The following LAMA3 variants were observed in gnomAD, a reference collection of about 807,000 sequenced individuals.
The protein encoded by LAMA3 is laminin subunit alpha-3.
LAMA3 carries 281 observed loss-of-function variants against 402.0 expected under a neutral mutation model. The ratio of observed to expected loss-of-function variants is 0.70; its 90% CI spans 0.63 to 0.77. The LOEUF is 0.77. LAMA3 is among the 30% of genes least tolerant of loss of function. The pLI, the probability that LAMA3 is intolerant of heterozygous loss-of-function variation, is 0.00. For synonymous variants in LAMA3, 1,431 were observed against 1,558.4 expected (o/e 0.92, Z 1.93); for missense variants, 3,840 against 4,215.5 (o/e 0.91, Z 2.47).
At chr18:23,858,602 G>A in intron 33 of LAMA3, 87 bp from the exon 34 acceptor site, 2 of 1,181,448 alleles carry the variant, frequency 1.7e-6, no homozygotes, top group South Asian at 1.2e-5. Flanking sequence ...AACATCTTGT[G>A]TTGGTATTTA....
chr18:23,875,075 G>C (rs1425255169), intron 38 of LAMA3, among the ~76,000 whole-genome samples: 1 of 152,156 alleles, frequency 6.6e-6, no homozygotes, highest in Non-Finnish European at 1.5e-5. Context: ...ATGTTGCCCA[G>C]GCTGATCTCG....
chr18:23,750,841 A>G, intron 4 of LAMA3, 77 bp from the exon 5 acceptor site: 1 of 1,494,752 alleles, frequency 6.7e-7, no homozygotes. Context: ...GGGGCATGTG[A>G]GTTATTTTTA....
intron 6 of LAMA3, among the ~76,000 whole-genome samples, chr18:23,754,313 C>T (rs2061804089): frequency 6.6e-6 from 1 of 152,116 alleles, no homozygotes; most frequent in African/African-American, 2.4e-5. Flanking sequence ...AATTCTATAC[C>T]CGTTAAACAA....
chr18:23,924,102 A>G (rs568638497), intron 62 of LAMA3, among the ~76,000 whole-genome samples: 1 of 151,916 alleles, frequency 6.6e-6, no homozygotes, highest in African/African-American at 2.4e-5. Context: ...TGATCCTCCC[A>G]CCCCCAGAAT....
At chr18:23,701,976 A>T (rs1305376461) in intron 1 of LAMA3, among the ~76,000 whole-genome samples, 1 of 152,108 alleles carries the variant, frequency 6.6e-6, no homozygotes. Flanking sequence ...TTTAATCCTG[A>T]TCGGAATGAT....
At chr18:23,799,555 G>T (rs1282904048) in intron 12 of LAMA3, among the ~76,000 whole-genome samples, 1 of 152,206 alleles carries the variant, frequency 6.6e-6, no homozygotes, top group African/African-American at 2.4e-5. Context: ...TAAGGCCAGT[G>T]TCTGTGTCAC....
At chr18:23,862,709 C>T (rs768873070) in intron 35 of LAMA3, among the ~76,000 whole-genome samples, 2 of 152,144 alleles carry the variant, frequency 1.3e-5, no homozygotes, top group Non-Finnish European at 2.9e-5. Flanking sequence ...TCCAACACTT[C>T]GCAGCTTAAA....
intron 13 of LAMA3, among the ~76,000 whole-genome samples, chr18:23,810,915 G>T (rs957510635): frequency 1.3e-5 from 2 of 152,134 alleles, no homozygotes; most frequent in African/African-American, 4.8e-5. Flanking sequence ...GCACTGTAAT[G>T]TTTCTAACAG....
chr18:23,830,089 G>T (rs898844236), intron 23 of LAMA3, among the ~76,000 whole-genome samples: 4 of 152,096 alleles, frequency 2.6e-5, no homozygotes, highest in Non-Finnish European at 5.9e-5. Flanking sequence ...CAACAGGCTT[G>T]TGACTTCAGT....
rs2063191072 is a variant in LAMA3 at position 23,817,118 on chromosome 18, A to G, written c.2147+631A>G. Among the ~76,000 whole-genome samples, 3 of 152,196 alleles carry G rather than the reference A, an allele frequency of 2.0e-5. No individual in the cohort carries two copies. In the South Asian group the frequency reaches 6.2e-4, roughly 32 times the overall value. On this transcript the variant is annotated intron_variant, in intron 18 of 74. Coordinates refer to ENST00000313654, the MANE Select transcript of LAMA3 (RefSeq NM_198129.4). ...TAAGAAAACTTTGGAAGTGGGGAAG[A>G]AGTACTTTGTCTCATGCAGAAGCAG...
intron 48 of LAMA3, among the ~76,000 whole-genome samples, chr18:23,901,606 TA>T (rs1229467059): frequency 6.6e-6 from 1 of 152,214 alleles, no homozygotes; most frequent in Admixed American, 6.5e-5. Flanking sequence ...TGTTGCCAAA[TA>T]GATGAGAAAT....
chr18:23,917,061 T>C (rs1029115496), intron 60 of LAMA3, among the ~76,000 whole-genome samples: 1 of 152,116 alleles, frequency 6.6e-6, no homozygotes, highest in African/African-American at 2.4e-5. Context: ...TGTTGTTCCC[T>C]TCTTTGCGTC....
intron 39 of LAMA3, among the ~76,000 whole-genome samples, chr18:23,878,151 G>C (rs2064783151): frequency 6.6e-6 from 1 of 152,130 alleles, no homozygotes; most frequent in African/African-American, 2.4e-5. Flanking sequence ...TATGTTATCA[G>C]TGAACCATTG....
chr18:23,864,985 T>C (rs1247884479), intron 36 of LAMA3, 102 bp downstream of exon 36: 5 of 776,648 alleles, frequency 6.4e-6, no homozygotes, highest in African/African-American at 3.4e-5. Context: ...AAAGTTTAGA[T>C]TAAATCATTT....
chr18:23,899,062 C>T lies in LAMA3; in HGVS notation c.5833C>T (p.His1945Tyr). The T allele has an allele frequency of 6.2e-7, 1 of 1,609,516 alleles. No homozygotes were observed. ...GATTAAAAATGTCATCCGGAATGTG[C>T]ACAGTAAGAAGAGTTATTAAGCCCA... Reference protein sequence around the residue: ...VKIKNVIRNVHILLKQISGTD... With the variant: ...VKIKNVIRNVYILLKQISGTD... Residue 1945 changes from histidine to tyrosine, a missense_variant, in exon 46 of 75, where the codon CAC (histidine) becomes TAC (tyrosine). Coordinates refer to ENST00000313654, the MANE Select transcript of LAMA3 (RefSeq NM_198129.4).
At chr18:23,706,704 G>A (rs1413150951) in intron 1 of LAMA3, among the ~76,000 whole-genome samples, 1 of 152,134 alleles carries the variant, frequency 6.6e-6, no homozygotes, top group Non-Finnish European at 1.5e-5. Flanking sequence ...TCTGTTGAGA[G>A]TTCTTCGTTG....
At chr18:23,756,321 A>G (rs2061841399) in intron 6 of LAMA3, among the ~76,000 whole-genome samples, 1 of 151,882 alleles carries the variant, frequency 6.6e-6, no homozygotes, top group South Asian at 2.1e-4. Context: ...TGTTCTTTTA[A>G]TAGTCTCGGG....
Position 23,833,942 on chromosome 18 carries a change from G to T in LAMA3, c.2938G>T (p.Gly980Trp). The T allele has an allele frequency of 6.2e-7, 1 of 1,614,210 alleles. No homozygotes were observed. The highest frequency in any genetic ancestry group is 2.2e-5 in the East Asian group (1 of 44,890). The change falls in exon 24 of 75, where the codon GGG (glycine) becomes TGG (tryptophan). Residue 980 changes from glycine to tryptophan, a missense_variant. Around this residue, in one of 3 missense-constraint regions of LAMA3, gnomAD observed 2,109 missense variants for 2,376.0 expected, o/e 0.89. Transcript: ENST00000313654. ...GGTTGATGTGAATGTGAAGAGCTCC[G>T]GGTCTGTTCTGGCAGGCCAGGTGAA... is the stretch of plus-strand genomic sequence containing the variant. ...FVVDVNVKSS[G>W]SVLAGQVNIY...
At chr18:23,893,537 C>T (rs1351487236) in intron 42 of LAMA3, among the ~76,000 whole-genome samples, 3 of 152,052 alleles carry the variant, frequency 2.0e-5, no homozygotes, top group South Asian at 2.1e-4. Flanking sequence ...GAGCTGACAT[C>T]GCACCACTGC....
Sources: gnomAD v4.1 joint callset for allele counts (sites outside exome capture counted in the v4.1 genomes callset) on GRCh38, gnomAD v4.1.1 for gene constraint, gnomAD v4.1.1 regional missense constraint, MANE v1.5 for transcripts, NCBI Gene and HGNC (gene_info 2026-07-23, HGNC 2026-07-21) for gene names.